The following ST7L variants were observed in gnomAD, a reference collection of about 807,000 sequenced individuals.
ST7L encodes suppression of tumorigenicity 7 like, also known as suppressor of tumorigenicity 7 protein-like.
In ST7L, 57 loss-of-function variants were observed where a neutral mutation model predicts 72.5. That is an observed-to-expected ratio of 0.79 (90% CI 0.64 to 0.98). The LOEUF (loss-of-function observed/expected upper bound fraction) is 0.98, where lower values mean the gene tolerates loss of function less well. ST7L is among the 50% of genes least tolerant of loss of function. The pLI is 0.00. For missense variants in ST7L, 576 were observed against 672.2 expected (o/e 0.86, Z 1.58); for synonymous variants, 221 against 240.9 (o/e 0.92, Z 0.77).
chr1:112,540,608 T>C (rs1166842458), intron 14 of ST7L: 3 of 985,310 alleles, frequency 3.0e-6, no homozygotes, highest in Non-Finnish European at 3.6e-6. Flanking sequence ...TAACACATTA[T>C]ATGGTTGACC....
Position 112,562,346 on chromosome 1 carries a change from A to G in ST7L, c.1246-6328T>C, listed in dbSNP as rs1228539793. ...TATGTCTGTTTCCCAGTGTTTACTG[A>G]TTGTCTATATAAGCTAGGAAGAGTG... On this transcript the variant is annotated intron_variant, in intron 11 of 14. Transcript: ENST00000358039. 2.0e-5 allele frequency among the ~76,000 whole-genome samples: 3 copies of G among 152,148 alleles called. No homozygotes were observed. In the East Asian group the frequency reaches 5.8e-4, roughly 29 times the overall value.
chr1:112,601,680 T>C (rs192152258), intron 3 of ST7L, among the ~76,000 whole-genome samples: 1 of 152,254 alleles, frequency 6.6e-6, no homozygotes, highest in Non-Finnish European at 1.5e-5. Context: ...GCTTGCAAAA[T>C]GACGAACATC....
At chr1:112,538,177 C>A (rs1010730461) in intron 14 of ST7L, among the ~76,000 whole-genome samples, 19 of 152,326 alleles carry the variant, frequency 1.2e-4, no homozygotes, top group African/African-American at 4.3e-4. Context: ...TCACCAATTT[C>A]TACTTTATTT....
rs183513532 is a variant in ST7L at position 112,548,150 on chromosome 1, T to G, written c.1489+2451A>C. ...CGGGTGGATCACTTGAGGCCAGGGG[T>G]TCAAGACCAGCCTGGCCACCATGGT... On this transcript the variant is annotated intron_variant, in intron 13 of 14. Transcript: ENST00000358039. 7.9e-3 allele frequency among the ~76,000 whole-genome samples: 1,193 copies of G among 150,348 alleles called. 20 individuals carry two copies. Among genetic ancestry groups the G allele is most frequent in the African/African-American group, 0.028 (1,128 of 40,890 alleles).
chr1:112,583,360 T>TAA (rs976346812), intron 7 of ST7L, among the ~76,000 whole-genome samples: 1 of 151,582 alleles, frequency 6.6e-6, no homozygotes, highest in African/African-American at 2.4e-5. Flanking sequence ...ACATCTTTGG[T>TAA]AAAAAAAAAT....
chr1:112,540,989 G>T, intron 14 of ST7L: 1 of 616,796 alleles, frequency 1.6e-6, no homozygotes, highest in Non-Finnish European at 2.5e-6. Context: ...AGTTCATATA[G>T]AAAAGTAAAT....
intron 11 of ST7L, among the ~76,000 whole-genome samples, chr1:112,568,867 T>TATAA (rs1553247598): frequency 9.8e-5 from 5 of 51,030 alleles, no homozygotes; most frequent in African/African-American, 3.1e-4. Flanking sequence ...TATAAATATA[T>TATAA]ATATATATAT....
chr1:112,543,868 C>CAAAAA (rs11418345), intron 13 of ST7L, among the ~76,000 whole-genome samples: 5 of 59,412 alleles, frequency 8.4e-5, no homozygotes, highest in African/African-American at 2.6e-4. Context: ...GACTCTATCT[C>CAAAAA]AAAAAAAAAA....
chr1:112,519,868 G>GCTT (rs201288432), downstream of ST7L, among the ~76,000 whole-genome samples: 16 of 110,248 alleles, frequency 1.5e-4, no homozygotes, highest in Non-Finnish European at 2.0e-4. Flanking sequence ...CAGAGCCCAT[G>GCTT]CTTCTTTTTT....
intron 1 of ST7L, chr1:112,617,984 A>C: frequency 7.7e-7 from 1 of 1,303,754 alleles, no homozygotes; most frequent in Non-Finnish European, 1.0e-6. Flanking sequence ...AAAAAACCAA[A>C]ATATTTCCGA....
At chr1:112,556,575 C>T (rs1659144620) in intron 11 of ST7L, among the ~76,000 whole-genome samples, 1 of 152,054 alleles carries the variant, frequency 6.6e-6, no homozygotes, top group Non-Finnish European at 1.5e-5. Context: ...TAGGGAATAC[C>T]AAAGAACGCT....
At chr1:112,535,423 TGAA>T (rs1246670109) in intron 14 of ST7L, among the ~76,000 whole-genome samples, 5 of 149,060 alleles carry the variant, frequency 3.4e-5, no homozygotes, top group East Asian at 4.0e-4. Flanking sequence ...AAGAAGAAGA[TGAA>T]GAAGAAGAAG....
At chr1:112,566,728 A>C (rs954539904) in intron 11 of ST7L, among the ~76,000 whole-genome samples, 3 of 152,166 alleles carry the variant, frequency 2.0e-5, no homozygotes, top group African/African-American at 7.2e-5. Flanking sequence ...CTTGAACTTC[A>C]CATAAATGGA....
In ST7L at chr1:112,584,034, T is replaced by C. The variant is rs1358826202; in HGVS notation, c.794A>G (p.Glu265Gly). The C allele has an allele frequency of 2.5e-6, 4 of 1,614,160 alleles. No homozygotes were observed. In the African/African-American group the frequency reaches 5.3e-5, roughly 22 times the overall value. The stretch of plus-strand genomic sequence containing the variant: ...CTGCTGTGACTGCCTATAAATTGTT[T>C]CTCCTGCCTTGAGTGCCTGTTTAAA... ...RLFKQALKAGETIYRQSQQCQ... is the reference protein window; with the variant it reads ...RLFKQALKAGGTIYRQSQQCQ... The change falls in exon 7 of 15, where the codon GAA becomes GGA. Residue 265 changes from glutamate (E) to glycine (G), a missense_variant. By Grantham distance (98) the Glu-to-Gly change is moderately conservative. This residue lies in a region of ST7L where 511 missense variants were observed against 600.7 expected (regional missense o/e 0.85). Transcript: ENST00000358039.
In ST7L at chr1:112,555,959, A is replaced by G; in HGVS notation, c.1305T>C (p.Asp435=). The G allele has an allele frequency of 1.2e-6, 2 of 1,612,372 alleles. No individual in the cohort carries two copies. The highest frequency in any genetic ancestry group is 1.7e-6 in the Non-Finnish European group (2 of 1,178,992). ...AGAAAGCATAGGCAATTGCTTCACTATCACCCCGTTTCAGAATGTGTTCTG... is the reference window on the plus strand; with the variant it reads ...AGAAAGCATAGGCAATTGCTTCACTGTCACCCCGTTTCAGAATGTGTTCTG... ...LPPEHILKRG[D]SEAIAYAFFH... is the part of the protein sequence containing the mutation. Residue 435 remains aspartate, a synonymous_variant, in exon 12 of 15, where the codon GAT becomes GAC. Transcript: ENST00000358039.
At chr1:112,588,194 T>C (rs1344615639) in intron 6 of ST7L, among the ~76,000 whole-genome samples, 1 of 152,248 alleles carries the variant, frequency 6.6e-6, no homozygotes, top group Non-Finnish European at 1.5e-5. Flanking sequence ...AGTTTCTTTG[T>C]GGATTAAGAC....
intron 11 of ST7L, among the ~76,000 whole-genome samples, chr1:112,568,760 A>G (rs1045971853): frequency 1.3e-5 from 2 of 149,656 alleles, no homozygotes; most frequent in Non-Finnish European, 3.0e-5. Context: ...CTGTAATCCT[A>G]GCACTTCGGG....
chr1:112,530,284 A>G (rs1654159622), intron 14 of ST7L: 1 of 152,190 alleles, frequency 6.6e-6, no homozygotes, highest in South Asian at 2.1e-4. Context: ...TATTTGCATG[A>G]GTAGTTTAGA....
At chr1:112,584,620 T>C (rs1664615699) in intron 6 of ST7L, among the ~76,000 whole-genome samples, 1 of 152,030 alleles carries the variant, frequency 6.6e-6, no homozygotes, top group African/African-American at 2.4e-5. Flanking sequence ...CCCGAGTAGC[T>C]GGGATTACAG....
Sources: gnomAD v4.1 joint callset for allele counts (sites outside exome capture counted in the v4.1 genomes callset) on GRCh38, gnomAD v4.1.1 for gene constraint, gnomAD v4.1.1 regional missense constraint, MANE v1.5 for transcripts, NCBI Gene and HGNC (gene_info 2026-07-23, HGNC 2026-07-21) for gene names.